Variants in FHL1 observed in about 807,000 individuals in gnomAD.
FHL1 encodes four and a half LIM domains 1.
In FHL1, 1 loss-of-function variant was observed where a neutral mutation model predicts 20.3. The observed-to-expected ratio is 0.05, with a 90% CI of 0.02 to 0.23. The LOEUF (loss-of-function observed/expected upper bound fraction) is 0.23. Among genes scored for constraint, FHL1 ranks in the 10% least tolerant of loss-of-function variants. The probability of loss-of-function intolerance (pLI) is 1.00; values close to 1 mark genes in which losing one functional copy is unlikely to be tolerated. For synonymous variants in FHL1, 82 were observed against 88.9 expected, an observed-to-expected ratio of 0.92 and a Z score of 0.44; for missense variants, 177 against 234.0, an observed-to-expected ratio of 0.76 and a Z score of 1.59.
At chrX:136,148,848 T>C (rs1281542323) in intron 1 of FHL1, 1 of 112,720 alleles carries the variant, frequency 8.9e-6, no homozygotes, top group Admixed American at 9.3e-5. Context: ...TTGAATTTCC[T>C]GAAGGGCAGG....
chrX:136,166,768 CAA>C (rs1388801551), upstream of FHL1, among the ~76,000 whole-genome samples: 3 of 112,360 alleles, frequency 2.7e-5, no homozygotes, highest in East Asian at 8.3e-4. Context: ...TATTTGGTGT[CAA>C]GTGTTTGTGG....
chrX:136,170,080 G>C (rs760622159), intron 2 of FHL1: 2 of 293,220 alleles, frequency 6.8e-6, no homozygotes, highest in South Asian at 6.4e-5. Context: ...TTTGTACCAG[G>C]AGGTTTCAGA....
intron 1 of FHL1, among the ~76,000 whole-genome samples, chrX:136,148,905 T>C (rs2072186755): frequency 8.9e-6 from 1 of 112,299 alleles, no homozygotes; most frequent in Non-Finnish European, 1.9e-5. Context: ...AGAGTAGAAG[T>C]AGTAGAATAA....
chrX:136,191,483 T>C (rs185786871), intron 2 of FHL1, among the ~76,000 whole-genome samples: 4 of 112,215 alleles, frequency 3.6e-5, no homozygotes, highest in Non-Finnish European at 7.5e-5. Context: ...TCCTGCTGTG[T>C]TCATGCTTCC....
intron 1 of FHL1, among the ~76,000 whole-genome samples, chrX:136,202,441 G>T (rs1376162719): frequency 9.0e-6 from 1 of 111,314 alleles, no homozygotes; most frequent in Admixed American, 9.5e-5. Flanking sequence ...GTGCAAGCTG[G>T]GATGGACGCG....
chrX:136,201,587 A>G (rs906590988), intron 1 of FHL1, among the ~76,000 whole-genome samples: 1 of 111,246 alleles, frequency 9.0e-6, no homozygotes, highest in Non-Finnish European at 1.9e-5. Flanking sequence ...TCTGTCTATT[A>G]GGGACCGTGT....
upstream of FHL1, among the ~76,000 whole-genome samples, chrX:136,166,618 A>G (rs1209262057): frequency 8.9e-6 from 1 of 112,129 alleles, no homozygotes; most frequent in African/African-American, 3.2e-5. Context: ...ACCGGATTCC[A>G]TTAAGTAGAA....
At chrX:136,160,523 C>T (rs1482904130) in intron 1 of FHL1, among the ~76,000 whole-genome samples, 3 of 111,428 alleles carry the variant, frequency 2.7e-5, no homozygotes, top group East Asian at 2.8e-4. Flanking sequence ...ACCTCCTGGG[C>T]GCAAACAATC....
intron 1 of FHL1, among the ~76,000 whole-genome samples, chrX:136,162,838 C>T (rs757964653): frequency 5.8e-4 from 65 of 112,235 alleles, no homozygotes; most frequent in African/African-American, 1.8e-3. Flanking sequence ...TTTGTTTGTG[C>T]TGCTGTAACA....
exon 1 of FHL1, chrX:136,169,724 A>G (rs1322313252): frequency 9.3e-6 from 3 of 323,186 alleles, no homozygotes; most frequent in Non-Finnish European, 1.8e-5. Context: ...ATAAACAGAC[A>G]TTTGGAGAAG....
At chrX:136,147,484 C>G (rs1485028142), upstream of FHL1, 1 of 106,784 alleles carries the variant, frequency 9.4e-6, no homozygotes, top group Non-Finnish European at 2.0e-5. Context: ...GCACCCCTCC[C>G]CTCGCGCCCC....
chrX:136,186,725 G>T (rs948484151), intron 2 of FHL1, among the ~76,000 whole-genome samples: 1 of 109,341 alleles, frequency 9.1e-6, no homozygotes, highest in Non-Finnish European at 1.9e-5. Flanking sequence ...ATGGTGGCAC[G>T]CACCTTTAGT....
chrX:136,182,227 C>G (rs149888721), intron 2 of FHL1, among the ~76,000 whole-genome samples: 249 of 111,595 alleles, frequency 2.2e-3, no homozygotes, highest in Non-Finnish European at 3.6e-3. Flanking sequence ...ACTTCCCGTT[C>G]TTATAGAGAG....
At chrX:136,197,504 C>T (rs1365790291) in intron 1 of FHL1, among the ~76,000 whole-genome samples, 1 of 111,882 alleles carries the variant, frequency 8.9e-6, no homozygotes, top group Non-Finnish European at 1.9e-5. Context: ...CAGTGCTTTA[C>T]ATCCAAGGTG....
At chrX:136,167,489 G>A (rs1378573288), upstream of FHL1, among the ~76,000 whole-genome samples, 3 of 111,261 alleles carry the variant, frequency 2.7e-5, no homozygotes, top group Admixed American at 1.9e-4. Flanking sequence ...ACAGGTGCCA[G>A]CCACCACACC....
chrX:136,182,681 T>TC (rs2073185348), intron 2 of FHL1: 1 of 112,245 alleles, frequency 8.9e-6, no homozygotes, highest in African/African-American at 3.2e-5. Flanking sequence ...AAGCAGTTTT[T>TC]CTCACTTCCC....
In FHL1 at chrX:136,210,426, C is replaced by T; in HGVS notation, c.*401C>T. ...ACCCACCGTGTAGACACACGACATGCAAGAGTTGCAGCGGCTGCTCCAACT... is the reference window on the plus strand; with the variant it reads ...ACCCACCGTGTAGACACACGACATGTAAGAGTTGCAGCGGCTGCTCCAACT... On this transcript the variant is annotated 3_prime_UTR_variant, in exon 6 of 6. Coordinates refer to ENST00000370683, the MANE Select transcript of FHL1 (RefSeq NM_001159699.2). 1 of 394,389 alleles carries T rather than the reference C, an allele frequency of 2.5e-6. No homozygotes were observed. The highest frequency in any genetic ancestry group is 4.8e-6 in the Non-Finnish European group (1 of 210,324). The allele number at this position is 394,389 out of a possible 1,213,427, so 32.5% of individuals were successfully genotyped here.
Position 136,207,013 on chromosome X carries a change from C to T in FHL1, c.205-3C>T, listed in dbSNP as rs1182242581. On this transcript the variant is annotated splice_region_variant and splice_polypyrimidine_tract_variant and intron_variant, in intron 2 of 5. Transcript: ENST00000370683. The stretch of plus-strand genomic sequence containing the variant: ...TGGCCCACCCTGTCTGCTTGGTTTC[C>T]AGGAGGTGCACTATAAGAACCGCTT... The T allele has an allele frequency of 8.3e-7, 1 of 1,208,856 alleles. No homozygotes were observed. The highest frequency in any genetic ancestry group is 3.0e-5 in the East Asian group (1 of 33,718).
chrX:136,151,343 C>T (rs1329930891), intron 1 of FHL1, among the ~76,000 whole-genome samples: 1 of 112,890 alleles, frequency 8.9e-6, no homozygotes, highest in Non-Finnish European at 1.9e-5. Flanking sequence ...AACATAATTC[C>T]AGGAGAGTAG....
Sources: gnomAD v4.1 joint callset for allele counts (sites outside exome capture counted in the v4.1 genomes callset) on GRCh38, gnomAD v4.1.1 for gene constraint, MANE v1.5 for transcripts, NCBI Gene and HGNC (gene_info 2026-07-23, HGNC 2026-07-21) for gene names.